Variants in ZNF75D observed in about 807,000 individuals in gnomAD.
The protein encoded by ZNF75D is zinc finger protein 75.
In ZNF75D, 33 loss-of-function variants were observed where a neutral mutation model predicts 33.3. The ratio of observed to expected loss-of-function variants is 0.99; its 90% CI spans 0.75 to 1.32. The LOEUF is 1.32. ZNF75D is among the 40% of genes most tolerant of loss of function. The pLI is 0.00. For synonymous variants in ZNF75D, 113 were observed against 130.6 expected, an observed-to-expected ratio of 0.87 and a Z score of 0.92; for missense variants, 338 against 367.5, an observed-to-expected ratio of 0.92 and a Z score of 0.66.
intron 6 of ZNF75D, among the ~76,000 whole-genome samples, chrX:135,289,645 C>G (rs902675775): frequency 8.0e-4 from 85 of 106,583 alleles, no homozygotes; most frequent in African/African-American, 2.8e-3. Flanking sequence ...CACACACACA[C>G]ACACACACAC....
At chrX:135,276,671 G>A (rs1000308748) in intron 1 of ZNF75D, among the ~76,000 whole-genome samples, 41 of 104,324 alleles carry the variant, frequency 3.9e-4, no homozygotes, top group African/African-American at 1.1e-3. Context: ...CCCAGTGTGC[G>A]ATGTTCCCCC....
intron 6 of ZNF75D, among the ~76,000 whole-genome samples, chrX:135,290,612 A>G (rs1371804591): frequency 8.9e-6 from 1 of 112,740 alleles, no homozygotes; most frequent in Non-Finnish European, 1.9e-5. Context: ...ACTAAGAGCC[A>G]TATGCCTACC....
intron 1 of ZNF75D, among the ~76,000 whole-genome samples, chrX:135,259,150 C>G (rs1316427224): frequency 9.0e-6 from 1 of 111,543 alleles, no homozygotes; most frequent in Non-Finnish European, 1.9e-5. Flanking sequence ...TTCCATTGGT[C>G]TATATCTCTG....
chrX:135,258,308 C>A (rs1481576156), intron 1 of ZNF75D, among the ~76,000 whole-genome samples: 1 of 110,277 alleles, frequency 9.1e-6, no homozygotes. Context: ...TGGGTATATA[C>A]CCAGTAATGT....
rs2083886272 is a variant in ZNF75D, at chrX:135,272,384, G to A, written n.828-16607C>T. 2.8e-5 allele frequency among the ~76,000 whole-genome samples: 3 copies of A among 106,739 alleles called. No individual in the cohort carries two copies. In the South Asian group the frequency reaches 1.3e-3, roughly 47 times the overall value. 92.7% of individuals were successfully genotyped at this position (106,739 alleles called of 115,157 possible). On this transcript the variant is annotated intron_variant and non_coding_transcript_variant, in intron 1 of 3. Coordinates refer to the ZNF75D transcript ENST00000494295. ...CTACTCTAACAGAGTCAGTAGAGGA[G>A]TTTCAAGGACAAGAATATTTAGCTT...
At chrX:135,258,326 G>A (rs2083818999) in intron 1 of ZNF75D, among the ~76,000 whole-genome samples, 1 of 110,283 alleles carries the variant, frequency 9.1e-6, no homozygotes, top group Non-Finnish European at 1.9e-5. Context: ...TGTGATTACT[G>A]GGTCAAATGG....
chrX:135,267,226 T>C (rs972908803), intron 1 of ZNF75D, among the ~76,000 whole-genome samples: 4 of 110,923 alleles, frequency 3.6e-5, no homozygotes, highest in Non-Finnish European at 7.6e-5. Flanking sequence ...AAGAGCAAAC[T>C]GAACCCAAAA....
intron 1 of ZNF75D, among the ~76,000 whole-genome samples, chrX:135,262,637 C>A (rs1215177788): frequency 8.9e-6 from 1 of 112,302 alleles, no homozygotes; most frequent in African/African-American, 3.2e-5. Flanking sequence ...TGGTTTTCAG[C>A]TCCATCAGGT....
chrX:135,276,673 T>C (rs1028854931), intron 1 of ZNF75D, among the ~76,000 whole-genome samples: 2 of 104,032 alleles, frequency 1.9e-5, no homozygotes, highest in Non-Finnish European at 3.9e-5. Context: ...CAGTGTGCGA[T>C]GTTCCCCCCA....
chrX:135,273,152 T>G (rs2083888768), intron 1 of ZNF75D, among the ~76,000 whole-genome samples: 1 of 111,927 alleles, frequency 8.9e-6, no homozygotes, highest in Non-Finnish European at 1.9e-5. Context: ...TTTTCCTTTC[T>G]GCTCCATACA....
intron 1 of ZNF75D, among the ~76,000 whole-genome samples, chrX:135,258,087 T>C (rs978435121): frequency 2.9e-4 from 31 of 107,288 alleles, no homozygotes; most frequent in Non-Finnish European, 4.5e-4. Flanking sequence ...CTTGTGATAC[T>C]TTGCTGAGAA....
chrX:135,314,529 CT>C (rs1434634372), intron 1 of ZNF75D, among the ~76,000 whole-genome samples: 1 of 111,541 alleles, frequency 9.0e-6, no homozygotes, highest in Non-Finnish European at 1.9e-5. Context: ...GGAGAATTCC[CT>C]TCTCTTAATA....
At chrX:135,261,902 T>C (rs1170143563) in intron 1 of ZNF75D, among the ~76,000 whole-genome samples, 1 of 112,303 alleles carries the variant, frequency 8.9e-6, no homozygotes, top group Non-Finnish European at 1.9e-5. Flanking sequence ...CGATGGTCTT[T>C]ACAATTTGGC....
At chrX:135,269,426 T>C (rs1569486329) in intron 1 of ZNF75D, among the ~76,000 whole-genome samples, 1 of 112,137 alleles carries the variant, frequency 8.9e-6, no homozygotes, top group Non-Finnish European at 1.9e-5. Flanking sequence ...ATAATCCAGT[T>C]AAAAATGGAC....
At chrX:135,274,181 CTA>C (rs2083891953) in intron 1 of ZNF75D, among the ~76,000 whole-genome samples, 1 of 111,871 alleles carries the variant, frequency 8.9e-6, no homozygotes, top group Non-Finnish European at 1.9e-5. Flanking sequence ...ACACTTATAG[CTA>C]TATGTTGTGT....
At chrX:135,312,229 A>ATGAG (rs2084367055) in intron 1 of ZNF75D, among the ~76,000 whole-genome samples, 1 of 111,254 alleles carries the variant, frequency 9.0e-6, no homozygotes, top group African/African-American at 3.3e-5. Context: ...GCTATCATAC[A>ATGAG]TGAGTGAGAA....
rs782227559 is a variant in ZNF75D at position 135,291,998 on chromosome X, T to A, written c.604+283A>T. ...TGTCCCCAATTTTTCCTACAACTTA[T>A]GAGAGGGAGGTGGCCCCACCTGTCC... is the stretch of plus-strand genomic sequence containing the variant. On this transcript the variant is annotated intron_variant, in intron 4 of 6. Coordinates refer to ENST00000370766, the MANE Select transcript of ZNF75D (RefSeq NM_007131.5). Among the ~76,000 whole-genome samples, 14 of 112,008 alleles carry A rather than the reference T, an allele frequency of 1.2e-4. No individual in the cohort carries two copies. In the East Asian group the frequency reaches 3.1e-3, roughly 25 times the overall value.
rs374639259 is a variant in ZNF75D at position 135,258,948 on chromosome X, A to G, written n.828-3171T>C. On this transcript the variant is annotated intron_variant and non_coding_transcript_variant, in intron 1 of 3. Transcript: ENST00000494295. ...TTTAGGTCTAATATTTAAGTCTTTA[A>G]CCCATCTTGAATTAATTTTTGTATA... is the stretch of plus-strand genomic sequence containing the variant. 6.2e-5 allele frequency among the ~76,000 whole-genome samples: 7 copies of G among 112,034 alleles called. No homozygotes were observed. In the South Asian group the frequency reaches 1.1e-3, roughly 18 times the overall value.
intron 1 of ZNF75D, among the ~76,000 whole-genome samples, chrX:135,327,249 A>C (rs944265472): frequency 8.9e-6 from 1 of 112,624 alleles, no homozygotes; most frequent in Middle Eastern, 4.6e-3. Context: ...TAGTTTGTTG[A>C]TGGCAAGTAA....
Sources: allele counts gnomAD v4.1 joint callset (sites outside exome capture counted in the v4.1 genomes callset), GRCh38; gene constraint gnomAD v4.1.1; transcripts MANE v1.5; gene names NCBI Gene and HGNC (gene_info 2026-07-23, HGNC 2026-07-21).